Variants in MTHFD1L observed in about 807,000 individuals in gnomAD.
MTHFD1L encodes monofunctional C1-tetrahydrofolate synthase, mitochondrial.
MTHFD1L carries 81 observed loss-of-function variants against 119.5 expected under a neutral mutation model. That is an observed-to-expected ratio of 0.68 (90% CI 0.57 to 0.82). MTHFD1L has a LOEUF of 0.82. MTHFD1L is among the 40% of genes least tolerant of loss of function. The pLI is 0.00. For missense variants in MTHFD1L, 1,125 were observed against 1,253.4 expected (o/e 0.90, Z 1.55); for synonymous variants, 430 against 475.2 (o/e 0.90, Z 1.24).
At position 150,926,559 on chromosome 6, in the gene MTHFD1L, C is replaced by T. The variant is rs563198409; in HGVS notation, c.1256+264C>T. Among the ~76,000 whole-genome samples the T allele has an allele frequency of 4.6e-5, 7 of 152,234 alleles. No homozygotes were observed. The highest frequency in any genetic ancestry group is 1.7e-4 in the African/African-American group (7 of 41,546). ...ATATTATGTTGTTATTACCCCTGCT[C>T]CTCCTTGACTTTTTGAATTTCATTT... On this transcript the variant is annotated intron_variant, in intron 11 of 27. Coordinates refer to ENST00000367321, the MANE Select transcript of MTHFD1L (RefSeq NM_015440.5). The surrounding 1 kb of genome is among the most constrained non-coding windows in gnomAD (Gnocchi z 4.3).
intron 24 of MTHFD1L, among the ~76,000 whole-genome samples, chr6:151,018,889 A>G (rs1342970060): frequency 1.3e-5 from 2 of 152,242 alleles, no homozygotes; most frequent in Admixed American, 1.3e-4. Context: ...TTTGTGAATG[A>G]GGAACTAGAA....
At chr6:151,070,353 A>G (rs1228773281) in intron 26 of MTHFD1L, among the ~76,000 whole-genome samples, 1 of 152,216 alleles carries the variant, frequency 6.6e-6, no homozygotes, top group Non-Finnish European at 1.5e-5. Flanking sequence ...AAATGTGTAT[A>G]TTGTTGAACC....
intron 24 of MTHFD1L, among the ~76,000 whole-genome samples, chr6:151,018,200 G>C (rs968720656): frequency 6.6e-6 from 1 of 152,128 alleles, no homozygotes; most frequent in South Asian, 2.1e-4. Context: ...TGCTTCTCCT[G>C]TTCCTTCATC....
At position 151,011,821 on chromosome 6, in the gene MTHFD1L, G is replaced by A. The variant is rs564350969; in HGVS notation, c.2265+1863G>A. Among the ~76,000 whole-genome samples the A allele has an allele frequency of 3.3e-5, 5 of 151,818 alleles. No homozygotes were observed. In the South Asian group the frequency reaches 1.0e-3, roughly 32 times the overall value. On this transcript the variant is annotated intron_variant, in intron 21 of 27. Coordinates refer to ENST00000367321, the MANE Select transcript of MTHFD1L (RefSeq NM_015440.5). Reference sequence around the variant, plus strand: ...CTCATGCCTGTAATCCCAGCACTTTGGAGGCTGAGGCAGGTGGATCACCTG... The same window carrying A: ...CTCATGCCTGTAATCCCAGCACTTTAGAGGCTGAGGCAGGTGGATCACCTG...
chr6:151,044,147 A>G (rs1488636714), intron 26 of MTHFD1L, among the ~76,000 whole-genome samples: 1 of 152,004 alleles, frequency 6.6e-6, no homozygotes, highest in Non-Finnish European at 1.5e-5. Flanking sequence ...AAAGGGATAC[A>G]CTGTGGAGGT....
In MTHFD1L at chr6:151,040,177, C is replaced by A. The variant is rs369715621; in HGVS notation, c.2847+3060C>A. 2.0e-5 allele frequency among the ~76,000 whole-genome samples: 3 copies of A among 152,096 alleles called. No homozygotes were observed. The East Asian group carries it at 5.8e-4, about 29-fold the overall frequency. ...TCAGTCACGATCTGTCCTGTCCTAC[C>A]CTCTGAGGACTCTAAACCCCGCAGT... On this transcript the variant is annotated intron_variant, in intron 26 of 27. Transcript: ENST00000367321.
Position 150,865,729 on chromosome 6 carries a change from C to T in MTHFD1L, c.-94C>T. 3 of 1,091,216 alleles carry T rather than the reference C, an allele frequency of 2.7e-6. No homozygotes were observed. The highest frequency in any genetic ancestry group is 2.5e-5 in the South Asian group (1 of 40,714). 67.6% of individuals were successfully genotyped at this position (1,091,216 alleles called of 1,614,324 possible). A position where few individuals can be genotyped will look rare whatever the true frequency, so the allele number is the denominator to read the frequency against. ...GGAAGCGCCAGGTCCTTCCCGCCGC[C>T]GCCGCCGCCGCCGCCGCCTGCTCCC... is the stretch of plus-strand genomic sequence containing the variant. On this transcript the variant is annotated 5_prime_UTR_variant, in exon 1 of 28. Transcript: ENST00000367321.
chr6:150,987,201 G>A (rs1420220303), intron 20 of MTHFD1L, among the ~76,000 whole-genome samples: 9 of 152,062 alleles, frequency 5.9e-5, no homozygotes, highest in Non-Finnish European at 1.5e-5. Flanking sequence ...CGAGTCATTC[G>A]GGTAGTTGCA....
chr6:150,982,571 G>A (rs1777679582), intron 20 of MTHFD1L, among the ~76,000 whole-genome samples: 2 of 152,138 alleles, frequency 1.3e-5, no homozygotes, highest in African/African-American at 2.4e-5. Flanking sequence ...TGAGATTTGG[G>A]GGGTTAAAAG....
At chr6:150,973,280 CTT>C (rs1296583406) in intron 20 of MTHFD1L, among the ~76,000 whole-genome samples, 5 of 152,212 alleles carry the variant, frequency 3.3e-5, no homozygotes, top group Admixed American at 2.6e-4. Context: ...TATTGAGACT[CTT>C]TTAAGAATTC....
intron 13 of MTHFD1L, among the ~76,000 whole-genome samples, chr6:150,940,572 C>CTTTTATTTTATTTTA (rs144157570): frequency 2.7e-5 from 4 of 150,008 alleles, no homozygotes; most frequent in African/African-American, 9.9e-5. Flanking sequence ...GAGAGAGCTA[C>CTTTTATTTTATTTTA]TTTTATTTTA....
intron 26 of MTHFD1L, among the ~76,000 whole-genome samples, chr6:151,040,776 A>G (rs1251354172): frequency 2.6e-5 from 4 of 152,266 alleles, no homozygotes; most frequent in Non-Finnish European, 2.9e-5. Context: ...AAACAAATAT[A>G]CAATGTGAAT....
chr6:150,916,563 A>G (rs570325948), intron 8 of MTHFD1L, among the ~76,000 whole-genome samples: 1 of 139,686 alleles, frequency 7.2e-6, no homozygotes, highest in East Asian at 2.1e-4. Context: ...TCCTGACCTC[A>G]GGTGATCCAC....
intron 16 of MTHFD1L, among the ~76,000 whole-genome samples, chr6:150,951,978 A>G (rs748477350): frequency 2.6e-5 from 4 of 152,338 alleles, no homozygotes; most frequent in Admixed American, 1.3e-4. Flanking sequence ...TTCCAGCCTG[A>G]GCAGCCATCA....
chr6:151,014,798 A>G, intron 22 of MTHFD1L, 82 bp from the exon 23 acceptor site: 1 of 948,022 alleles, frequency 1.1e-6, no homozygotes, highest in East Asian at 2.6e-5. Flanking sequence ...ATCCTGCCAG[A>G]GAGGTGCTGG....
At chr6:150,883,897 T>C (rs1315262944) in intron 5 of MTHFD1L, among the ~76,000 whole-genome samples, 1 of 152,166 alleles carries the variant, frequency 6.6e-6, no homozygotes, top group East Asian at 1.9e-4. Context: ...CGGTAGACCC[T>C]GCAGGGGCTG....
rs374925853 is a variant in MTHFD1L, at chr6:150,972,009, G to T, written c.2076G>T (p.Val692=). Residue 692 remains valine, a synonymous_variant, in exon 20 of 28, where the codon GTG becomes GTT. Coordinates refer to ENST00000367321, the MANE Select transcript of MTHFD1L (RefSeq NM_015440.5). ...FANIAHGNSS[V]LADKIALKLV... ...ACATTGCTCACGGCAACTCTTCAGT[G>T]TTGGCTGATAAAATTGCCCTGAAAC... The T allele has an allele frequency of 9.4e-5, 151 of 1,614,050 alleles. 1 individual carries two copies. The highest frequency in any genetic ancestry group is 1.4e-5 in the Non-Finnish European group (16 of 1,180,046).
intron 24 of MTHFD1L, among the ~76,000 whole-genome samples, chr6:151,020,716 C>A (rs955679258): frequency 3.3e-5 from 5 of 152,072 alleles, no homozygotes; most frequent in Non-Finnish European, 7.4e-5. Context: ...GATTGCAGTC[C>A]CTTTTAAGAA....
At chr6:151,074,402 TA>T (rs1473386729) in intron 26 of MTHFD1L, among the ~76,000 whole-genome samples, 1 of 152,170 alleles carries the variant, frequency 6.6e-6, no homozygotes, top group Non-Finnish European at 1.5e-5. Flanking sequence ...GCAAAAATAA[TA>T]AAAATGTAGT....
Sources: gnomAD v4.1 joint callset for allele counts (sites outside exome capture counted in the v4.1 genomes callset) on GRCh38, gnomAD v4.1.1 for gene constraint, Gnocchi (gnomAD v3.1) non-coding constraint, MANE v1.5 for transcripts, NCBI Gene and HGNC (gene_info 2026-07-23, HGNC 2026-07-21) for gene names.